The following ADCY8 variants were observed in gnomAD, a reference collection of about 807,000 sequenced individuals.
ADCY8 encodes adenylate cyclase 8, also known as adenylate cyclase type 8.
A neutral mutation model predicts 119.7 loss-of-function variants in ADCY8; 51 were observed. The observed-to-expected ratio is 0.43, with a 90% confidence interval of 0.34 to 0.54. The LOEUF (loss-of-function observed/expected upper bound fraction) is 0.54. Ranked by LOEUF, ADCY8 falls within the 20% of genes least tolerant of loss-of-function variation. The pLI is 0.03. For synonymous variants in ADCY8, 665 were observed against 651.0 expected (o/e 1.02, Z -0.33); for missense variants, 1,383 against 1,598.8 (o/e 0.87, Z 2.30).
At chr8:130,789,655 T>A (rs1815363945) in intron 15 of ADCY8, among the ~76,000 whole-genome samples, 1 of 152,200 alleles carries the variant, frequency 6.6e-6, no homozygotes, top group Non-Finnish European at 1.5e-5. Flanking sequence ...TAGGAGGAAT[T>A]TGAGGCACAG....
At chr8:130,848,776 A>T (rs754529316) in intron 10 of ADCY8, among the ~76,000 whole-genome samples, 23 of 152,200 alleles carry the variant, frequency 1.5e-4, no homozygotes, top group Non-Finnish European at 2.1e-4. Flanking sequence ...GACAACACAG[A>T]CTACTTGTAA....
chr8:130,845,871 G>A lies in ADCY8; in HGVS notation c.2502+1553C>T, dbSNP rs561632604. 2.0e-5 allele frequency among the ~76,000 whole-genome samples: 3 copies of A among 152,190 alleles called. No homozygotes were observed. In the South Asian group the frequency reaches 6.2e-4, roughly 32 times the overall value. On this transcript the variant is annotated intron_variant, in intron 11 of 17. Transcript: ENST00000286355. ...AGGAAGGAAGGATAGAAAGAAGAAG[G>A]GAGGGAAAGAAGTGAGGAAGAAATA...
chr8:130,829,474 A>C (rs1816763585), intron 12 of ADCY8, among the ~76,000 whole-genome samples: 1 of 137,366 alleles, frequency 7.3e-6, no homozygotes, highest in African/African-American at 2.5e-5. Flanking sequence ...TAAAGGAAAG[A>C]GATTTTATGT....
intron 5 of ADCY8, among the ~76,000 whole-genome samples, chr8:130,934,564 A>C (rs1820729419): frequency 6.6e-6 from 1 of 152,194 alleles, no homozygotes; most frequent in African/African-American, 2.4e-5. Flanking sequence ...ACCATATCGC[A>C]GTCCCATTGT....
intron 1 of ADCY8, among the ~76,000 whole-genome samples, chr8:130,993,278 C>T (rs891691652): frequency 3.9e-5 from 6 of 152,138 alleles, no homozygotes; most frequent in African/African-American, 1.4e-4. Context: ...AACATCTACA[C>T]ATTTAATAGC....
At chr8:130,972,198 C>A (rs1333895468) in intron 2 of ADCY8, among the ~76,000 whole-genome samples, 1 of 152,202 alleles carries the variant, frequency 6.6e-6, no homozygotes, top group Admixed American at 6.5e-5. Flanking sequence ...CCATTACCAA[C>A]CATACTTTTA....
rs551339512 is a variant in ADCY8 at position 131,028,291 on chromosome 8, G to T, written c.960+11083C>A. Reference sequence around the variant, plus strand: ...CTTCTCTCTGGCTGAGATGGCTTGGGCAGGGCCCAAAGAGCTGCGTATCAT... The same window carrying T: ...CTTCTCTCTGGCTGAGATGGCTTGGTCAGGGCCCAAAGAGCTGCGTATCAT... On this transcript the variant is annotated intron_variant, in intron 1 of 17. Transcript: ENST00000286355. Among the ~76,000 whole-genome samples, 14 of 152,358 alleles carry T rather than the reference G, an allele frequency of 9.2e-5. No homozygotes were observed. The South Asian group carries it at 1.4e-3, about 16-fold the overall frequency.
intron 12 of ADCY8, among the ~76,000 whole-genome samples, chr8:130,825,247 A>G (rs1000148074): frequency 2.0e-5 from 3 of 152,174 alleles, no homozygotes; most frequent in South Asian, 2.1e-4. Flanking sequence ...ATTATTGTCA[A>G]TTATAGTCAC....
intron 11 of ADCY8, among the ~76,000 whole-genome samples, chr8:130,836,979 C>T (rs1170422240): frequency 6.6e-6 from 1 of 152,136 alleles, no homozygotes; most frequent in Non-Finnish European, 1.5e-5. Flanking sequence ...GATGATCCAC[C>T]CACCTTGACC....
At chr8:131,017,519 T>C (rs1823517960) in intron 1 of ADCY8, among the ~76,000 whole-genome samples, 1 of 152,228 alleles carries the variant, frequency 6.6e-6, no homozygotes. Context: ...CTTACATAAC[T>C]ACTCTTTATG....
chr8:130,915,363 C>T (rs190367271), intron 5 of ADCY8, among the ~76,000 whole-genome samples: 5 of 152,214 alleles, frequency 3.3e-5, no homozygotes, highest in Non-Finnish European at 2.9e-5. Flanking sequence ...AATGACAGGA[C>T]GCATAATTCA....
At chr8:130,984,228 G>A (rs1214492019) in intron 2 of ADCY8, among the ~76,000 whole-genome samples, 1 of 151,988 alleles carries the variant, frequency 6.6e-6, no homozygotes, top group Non-Finnish European at 1.5e-5. Context: ...CTGTGGGGAG[G>A]AGAGGAGACT....
At chr8:130,872,045 C>T (rs901566094) in intron 8 of ADCY8, among the ~76,000 whole-genome samples, 25 of 152,174 alleles carry the variant, frequency 1.6e-4, no homozygotes, top group African/African-American at 5.5e-4. Context: ...AAGAGCTTGT[C>T]ATAGTCAGTT....
chr8:130,794,784 C>T (rs939107220), intron 15 of ADCY8, among the ~76,000 whole-genome samples: 1 of 152,186 alleles, frequency 6.6e-6, no homozygotes, highest in African/African-American at 2.4e-5. Context: ...TTAATCTCTG[C>T]ATTTAACTTA....
chr8:131,012,756 T>C (rs13260940), intron 1 of ADCY8, among the ~76,000 whole-genome samples: 3,783 of 152,334 alleles, frequency 0.025, 49 homozygotes, highest in East Asian at 0.056. Context: ...CAGAACATCC[T>C]GGGAAGGTCA....
chr8:131,030,802 A>AG (rs1823973280), intron 1 of ADCY8, among the ~76,000 whole-genome samples: 10 of 152,216 alleles, frequency 6.6e-5, no homozygotes, highest in Admixed American at 5.2e-4. Flanking sequence ...AAGCCCAGCA[A>AG]AATCATTTTT....
chr8:130,780,328 AT>A lies in ADCY8; in HGVS notation c.*61del. 8.5e-7 allele frequency: 1 copy of A among 1,171,976 alleles called. No individual in the cohort carries two copies. Among genetic ancestry groups the A allele is most frequent in the Non-Finnish European group, 1.1e-6 (1 of 925,196 alleles). The allele number at this position is 1,171,976 out of a possible 1,614,324, so 72.6% of individuals were successfully genotyped here. ...GTTCTAAAAAAAATTAAACCTTTTTATTAGTATATTTATTTTATATATAAAA... is the reference window on the plus strand; with the variant it reads ...GTTCTAAAAAAAATTAAACCTTTTTATAGTATATTTATTTTATATATAAAA... On this transcript the variant is annotated 3_prime_UTR_variant, in exon 18 of 18. Coordinates refer to ENST00000286355, the MANE Select transcript of ADCY8 (RefSeq NM_001115.3).
intron 2 of ADCY8, among the ~76,000 whole-genome samples, chr8:130,982,153 C>T (rs1159377444): frequency 2.0e-5 from 3 of 152,218 alleles, no homozygotes; most frequent in Non-Finnish European, 4.4e-5. Flanking sequence ...GTCCTACCCA[C>T]ATCGGGTAAA....
intron 9 of ADCY8, among the ~76,000 whole-genome samples, chr8:130,857,554 T>C (rs1005484168): frequency 1.3e-5 from 2 of 152,222 alleles, no homozygotes; most frequent in African/African-American, 4.8e-5. Flanking sequence ...CAACATTCTC[T>C]GTCCTCTATA....
Sources: allele counts gnomAD v4.1 joint callset (sites outside exome capture counted in the v4.1 genomes callset), GRCh38; gene constraint gnomAD v4.1.1; transcripts MANE v1.5; gene names NCBI Gene and HGNC (gene_info 2026-07-23, HGNC 2026-07-21).